Variants in PAPSS2 observed in about 807,000 individuals in gnomAD.
The protein encoded by PAPSS2 is 3'-phosphoadenosine 5'-phosphosulfate synthase 2.
A neutral mutation model predicts 66.5 loss-of-function variants in PAPSS2; 61 were observed. The observed-to-expected ratio is 0.92, with a 90% CI of 0.75 to 1.14. The LOEUF (loss-of-function observed/expected upper bound fraction) is 1.14, where lower values mean the gene tolerates loss of function less well. PAPSS2 is among the 50% of genes most tolerant of loss of function. PAPSS2 has a pLI of 0.00. For synonymous variants in PAPSS2, 289 were observed against 287.5 expected (o/e 1.01, Z -0.05); for missense variants, 708 against 789.6 (o/e 0.90, Z 1.24).
Position 87,715,109 on chromosome 10 carries a change from G to T in PAPSS2, c.753+11G>T. On this transcript the variant is annotated intron_variant, in intron 6 of 12. Transcript: ENST00000456849. ...TTATCAATTACTAAGGTAAGTGGGT[G>T]CAGACTGGTCAAATAATTAGGCTTA... is the stretch of plus-strand genomic sequence containing the variant. 1 of 1,370,420 alleles carries T rather than the reference G, an allele frequency of 7.3e-7. No homozygotes were observed. Among genetic ancestry groups the T allele is most frequent in the Non-Finnish European group, 1.0e-6 (1 of 957,724 alleles). The allele number at this position is 1,370,420 out of a possible 1,614,324, so 84.9% of individuals were successfully genotyped here. A position where few individuals can be genotyped will look rare whatever the true frequency, so the allele number is the denominator to read the frequency against.
chr10:87,737,461 TC>T (rs1311608296), intron 9 of PAPSS2, among the ~76,000 whole-genome samples: 2 of 152,186 alleles, frequency 1.3e-5, no homozygotes, highest in African/African-American at 4.8e-5. Context: ...TTAAGCATAT[TC>T]ACATTGTTGT....
Position 87,683,096 on chromosome 10 carries a change from T to A in PAPSS2, c.27+23088T>A, listed in dbSNP as rs1589422951. Among the ~76,000 whole-genome samples the A allele has an allele frequency of 7.4e-5, 4 of 53,998 alleles. No individual in the cohort carries two copies. The South Asian group carries it at 2.1e-3, about 29-fold the overall frequency. 35.4% of individuals were successfully genotyped at this position (53,998 alleles called of 152,430 possible). ...TTTTCTTTTCCTTTTTCTTTTTTCTTTTTTTTTTTTTTGAGACAGAGTCTT... is the reference window on the plus strand; with the variant it reads ...TTTTCTTTTCCTTTTTCTTTTTTCTATTTTTTTTTTTTGAGACAGAGTCTT... On this transcript the variant is annotated intron_variant, in intron 1 of 12. Coordinates refer to ENST00000456849, the MANE Select transcript of PAPSS2 (RefSeq NM_001015880.2).
intron 3 of PAPSS2, among the ~76,000 whole-genome samples, chr10:87,713,653 G>C (rs113045713): frequency 7.2e-4 from 109 of 152,314 alleles, no homozygotes; most frequent in African/African-American, 2.5e-3. Flanking sequence ...AAAGGATCTA[G>C]TTAAAGAAAA....
In PAPSS2 at chr10:87,745,908, T is replaced by C. The variant is rs1369315688; in HGVS notation, c.1798T>C (p.Phe600Leu). The change falls in exon 13 of 13, where the codon TTC (phenylalanine) becomes CTC (leucine). Residue 600 changes from phenylalanine to leucine, a missense_variant. Physicochemically the swap from Phe to Leu is conservative, Grantham distance 22 (BLOSUM62 0). Transcript: ENST00000456849. ...AREGENPPDG[F>L]MAPKAWKVLT... ...GGAAGGAGAGAATCCCCCAGATGGC[T>C]TCATGGCCCCCAAAGCATGGAAGGT... The C allele has an allele frequency of 1.2e-6, 2 of 1,614,058 alleles. No individual in the cohort carries two copies. The highest frequency in any genetic ancestry group is 1.7e-6 in the Non-Finnish European group (2 of 1,179,944).
intron 1 of PAPSS2, among the ~76,000 whole-genome samples, chr10:87,701,196 A>C (rs1350481499): frequency 6.6e-6 from 1 of 151,498 alleles, no homozygotes; most frequent in African/African-American, 2.4e-5. Context: ...TAGAAAAAAG[A>C]AGCACCAAAA....
chr10:87,707,739 T>A (rs1042062020), intron 1 of PAPSS2, among the ~76,000 whole-genome samples: 7 of 151,874 alleles, frequency 4.6e-5, no homozygotes, highest in African/African-American at 1.7e-4. Context: ...CTGGCTAATA[T>A]GTTTTTATTT....
At chr10:87,673,554 G>T (rs369907072) in intron 1 of PAPSS2, among the ~76,000 whole-genome samples, 2 of 141,650 alleles carry the variant, frequency 1.4e-5, no homozygotes, top group South Asian at 2.2e-4. Flanking sequence ...TTAGCTGTGT[G>T]TGTGTTTGTG....
At position 87,745,940 on chromosome 10, in the gene PAPSS2, AG is replaced by A; in HGVS notation, c.1831del (p.Asp611IlefsTer31). On this transcript the variant is annotated frameshift_variant, in exon 13 of 13. Coordinates refer to ENST00000456849, the MANE Select transcript of PAPSS2 (RefSeq NM_001015880.2). LOFTEE classifies it high-confidence loss of function. ...MAPKAWKVLT[D>X]YYRSLEKN ...CCCCCAAAGCATGGAAGGTCCTGAC[AG>A]ATTATTACAGGTCCCTGGAGAAGAA... The A allele has an allele frequency of 6.2e-7, 1 of 1,614,104 alleles. No homozygotes were observed. The highest frequency in any genetic ancestry group is 8.5e-7 in the Non-Finnish European group (1 of 1,179,966).
intron 1 of PAPSS2, among the ~76,000 whole-genome samples, chr10:87,679,521 A>G (rs1446288918): frequency 1.3e-5 from 2 of 152,242 alleles, no homozygotes; most frequent in Non-Finnish European, 2.9e-5. Context: ...CATTCTATGC[A>G]TGTAACAAAC....
At chr10:87,665,215 CT>C (rs34073508) in intron 1 of PAPSS2, among the ~76,000 whole-genome samples, 73,044 of 146,742 alleles carry the variant, frequency 0.5, 17,847 homozygotes, top group East Asian at 0.77. Flanking sequence ...GAATTTACCA[CT>C]TTTTTTTTTT....
Position 87,659,952 on chromosome 10 carries a change from G to A in PAPSS2, c.-30G>A, listed in dbSNP as rs17115616. ...CCTGCGTCCTTCGGTCTCTGCTCCCGGGACCCGGGCTCCGCCGCAGCCAGC... is the reference window on the plus strand; with the variant it reads ...CCTGCGTCCTTCGGTCTCTGCTCCCAGGACCCGGGCTCCGCCGCAGCCAGC... On this transcript the variant is annotated 5_prime_UTR_variant, in exon 1 of 13. Coordinates refer to ENST00000456849, the MANE Select transcript of PAPSS2 (RefSeq NM_001015880.2). 7,118 of 1,611,422 alleles carry A rather than the reference G, an allele frequency of 4.4e-3. 21 individuals are homozygous for A. Among genetic ancestry groups the A allele is most frequent in the South Asian group, 5.6e-3 (506 of 90,838 alleles).
chr10:87,661,157 A>G (rs1357929249), intron 1 of PAPSS2: 1 of 396,380 alleles, frequency 2.5e-6, no homozygotes, highest in Non-Finnish European at 5.0e-6. Flanking sequence ...AAAAAACAAA[A>G]TATAAAGCCA....
chr10:87,708,501 G>A (rs1026942227), intron 1 of PAPSS2, among the ~76,000 whole-genome samples: 1 of 152,102 alleles, frequency 6.6e-6, no homozygotes. Context: ...AGGGACTGGG[G>A]ATCAACCACC....
chr10:87,701,221 T>C (rs1853299764), intron 1 of PAPSS2, among the ~76,000 whole-genome samples: 1 of 143,958 alleles, frequency 6.9e-6, no homozygotes, highest in Non-Finnish European at 1.5e-5. Context: ...TTTTTATTTA[T>C]ATAATAATTT....
At chr10:87,666,518 G>C (rs1852818088) in intron 1 of PAPSS2, among the ~76,000 whole-genome samples, 1 of 151,674 alleles carries the variant, frequency 6.6e-6, no homozygotes. Context: ...TTTTCCCTAG[G>C]ATGTGCTACA....
At chr10:87,678,524 G>A (rs896534710) in intron 1 of PAPSS2, among the ~76,000 whole-genome samples, 15 of 152,016 alleles carry the variant, frequency 9.9e-5, no homozygotes, top group African/African-American at 3.4e-4. Context: ...TTGAATGAGA[G>A]AAAATATTGC....
Position 87,715,777 on chromosome 10 carries a change from C to T in PAPSS2, c.799C>T (p.Pro267Ser). 6.2e-7 allele frequency: 1 copy of T among 1,613,748 alleles called. No homozygotes were observed. The highest frequency in any genetic ancestry group is 8.5e-7 in the Non-Finnish European group (1 of 1,179,662). Residue 267 changes from proline (P) to serine (S), a missense_variant, in exon 7 of 13, where the codon CCC becomes TCC. Transcript: ENST00000456849. ...GGTTTTGAGCGAAGGCTGGGCCACT[C>T]CCCTCAAAGGTTTCATGCGGGAGAA... is the stretch of plus-strand genomic sequence containing the variant. Reference protein sequence around the residue: ...VQVLSEGWATPLKGFMREKEY... With the variant: ...VQVLSEGWATSLKGFMREKEY...
chr10:87,660,732 C>T (rs1852739750), intron 1 of PAPSS2, among the ~76,000 whole-genome samples: 1 of 145,300 alleles, frequency 6.9e-6, no homozygotes, highest in Non-Finnish European at 1.5e-5. Flanking sequence ...TTCCCAGCAA[C>T]ATGGGCACCT....
At chr10:87,704,193 T>G (rs1159093006) in intron 1 of PAPSS2, among the ~76,000 whole-genome samples, 4 of 152,218 alleles carry the variant, frequency 2.6e-5, no homozygotes. Context: ...TACCTGGCCA[T>G]CCGAAAGTAT....
Sources: allele counts gnomAD v4.1 joint callset (sites outside exome capture counted in the v4.1 genomes callset), GRCh38; gene constraint gnomAD v4.1.1; transcripts MANE v1.5; gene names NCBI Gene and HGNC (gene_info 2026-07-23, HGNC 2026-07-21).